SNX14: variants seen among roughly 807,000 people sequenced by gnomAD.
SNX14 encodes sorting nexin 14, also known as sorting nexin-14.
Under a neutral mutation model 133.8 loss-of-function variants are expected in SNX14, and 93 were observed. The observed-to-expected ratio is 0.70, with a 90% CI of 0.59 to 0.83. SNX14 has a LOEUF of 0.83. SNX14 is among the 40% of genes least tolerant of loss of function. SNX14 has a pLI of 0.00. For synonymous variants in SNX14, 368 were observed against 365.6 expected, an observed-to-expected ratio of 1.01 and a Z score of -0.07; for missense variants, 945 against 1,094.9, an observed-to-expected ratio of 0.86 and a Z score of 1.93.
intron 6 of SNX14, among the ~76,000 whole-genome samples, chr6:85,560,280 C>G (rs545215529): frequency 6.6e-6 from 1 of 152,198 alleles, no homozygotes; most frequent in South Asian, 2.1e-4. Flanking sequence ...TACATTCACA[C>G]AATGGAATAT....
chr6:85,583,009 T>A (rs1187070834), intron 1 of SNX14, among the ~76,000 whole-genome samples: 1 of 152,174 alleles, frequency 6.6e-6, no homozygotes, highest in Non-Finnish European at 1.5e-5. Flanking sequence ...TGAACATCGA[T>A]GCGAAAATCC....
At chr6:85,509,638 T>A (rs895089947) in intron 26 of SNX14, among the ~76,000 whole-genome samples, 2 of 152,208 alleles carry the variant, frequency 1.3e-5, no homozygotes, top group African/African-American at 4.8e-5. Flanking sequence ...AACAAGAGTG[T>A]ACATTTGTTA....
chr6:85,565,357 G>C lies in SNX14; in HGVS notation c.524C>G (p.Ser175Cys). The C allele has an allele frequency of 6.2e-7, 1 of 1,600,518 alleles. No individual in the cohort carries two copies. Among genetic ancestry groups the C allele is most frequent in the Non-Finnish European group, 8.5e-7 (1 of 1,172,750 alleles). ...ELRITLRFFA[S>C]VLIRRIHKVD... Reference sequence around the variant, plus strand: ...CTTGTGAATCCTTCTTATTAAGACAGATGCAAAAAAACGTAATGTTATTCT... The same window carrying C: ...CTTGTGAATCCTTCTTATTAAGACACATGCAAAAAAACGTAATGTTATTCT... The change falls in exon 6 of 29, where the codon TCT (serine) becomes TGT (cysteine). Residue 175 changes from serine to cysteine, a missense_variant. Around this residue, in one of 3 missense-constraint regions of SNX14, gnomAD observed 514 missense variants for 538.8 expected, o/e 0.95. Coordinates refer to ENST00000314673, the MANE Select transcript of SNX14 (RefSeq NM_153816.6).
intron 16 of SNX14, among the ~76,000 whole-genome samples, chr6:85,538,131 C>CTA: frequency 6.6e-6 from 1 of 152,194 alleles, no homozygotes; most frequent in South Asian, 2.1e-4. Context: ...GTTTCAAATA[C>CTA]ACCAATATGT....
chr6:85,580,814 G>A (rs1316742103), intron 1 of SNX14, among the ~76,000 whole-genome samples: 1 of 152,116 alleles, frequency 6.6e-6, no homozygotes, highest in African/African-American at 2.4e-5. Flanking sequence ...TGTGGTATAG[G>A]TGCCAGCTCA....
intron 5 of SNX14, among the ~76,000 whole-genome samples, chr6:85,566,294 GAA>G (rs1272175725): frequency 2.0e-5 from 3 of 152,082 alleles, no homozygotes; most frequent in Non-Finnish European, 4.4e-5. Context: ...ATTTAACACA[GAA>G]CCAAATGTAA....
intron 17 of SNX14, among the ~76,000 whole-genome samples, chr6:85,536,518 T>C (rs1276106466): frequency 6.6e-6 from 1 of 152,210 alleles, no homozygotes; most frequent in Non-Finnish European, 1.5e-5. Context: ...ACTGCTTGAC[T>C]ATTAGAAGTA....
At chr6:85,585,985 A>G (rs1800696649) in intron 1 of SNX14, among the ~76,000 whole-genome samples, 1 of 150,490 alleles carries the variant, frequency 6.6e-6, no homozygotes, top group Non-Finnish European at 1.5e-5. Context: ...CACTCCCCGC[A>G]ACAGGAAAAA....
Position 85,572,301 on chromosome 6 carries a change from T to C in SNX14, c.335A>G (p.His112Arg), listed in dbSNP as rs142940872. 25 of 1,613,288 alleles carry C rather than the reference T, an allele frequency of 1.5e-5. No individual in the cohort carries two copies. The highest frequency in any genetic ancestry group is 2.1e-5 in the Non-Finnish European group (25 of 1,179,518). Residue 112 changes from histidine (H) to arginine (R), a missense_variant, in exon 3 of 29, where the codon CAT becomes CGT. Transcript: ENST00000314673. ...AVCGKVKCKR[H>R]RPSLLLENYQ... Reference sequence around the variant, plus strand: ...AATAAAAAAATATTTAACTTACCTATGTCGTTTACATTTCACTTTACCACA... The same window carrying C: ...AATAAAAAAATATTTAACTTACCTACGTCGTTTACATTTCACTTTACCACA...
chr6:85,536,457 T>C (rs758744554), intron 17 of SNX14, among the ~76,000 whole-genome samples: 13 of 152,124 alleles, frequency 8.5e-5, no homozygotes, highest in Non-Finnish European at 1.9e-4. Context: ...CTGGAGTACA[T>C]GGTGGGAAAA....
At position 85,505,541 on chromosome 6, in the gene SNX14, A is replaced by G; in HGVS notation, c.*426T>C. 5.7e-6 allele frequency: 1 copy of G among 176,100 alleles called. No homozygotes were observed. The highest frequency in any genetic ancestry group is 1.4e-4 in the South Asian group (1 of 7,218). The allele number at this position is 176,100 out of a possible 1,614,324, so 10.9% of individuals were successfully genotyped here. A position where few individuals can be genotyped will look rare whatever the true frequency, so the allele number is the denominator to read the frequency against. ...TAGGATGCTTTATTTATAGATACAC[A>G]GTTAACTATGTACAAAATAAAAAAA... is the stretch of plus-strand genomic sequence containing the variant. On this transcript the variant is annotated 3_prime_UTR_variant, in exon 29 of 29. Coordinates refer to ENST00000314673, the MANE Select transcript of SNX14 (RefSeq NM_153816.6).
In SNX14 at chr6:85,517,794, G is replaced by A; in HGVS notation, c.2230C>T (p.Leu744=). 6.2e-7 allele frequency: 1 copy of A among 1,610,236 alleles called. No individual in the cohort carries two copies. Among genetic ancestry groups the A allele is most frequent in the Non-Finnish European group, 8.5e-7 (1 of 1,179,026 alleles). Residue 744 remains leucine (L), a synonymous_variant, in exon 23 of 29, where the codon CTG becomes TTG. Transcript: ENST00000314673. ...TCTGAAGTAGGGCTGAGAATGGTCAGTTCTGGTCTACTTGGTTTAGGCTTT... is the reference window on the plus strand; with the variant it reads ...TCTGAAGTAGGGCTGAGAATGGTCAATTCTGGTCTACTTGGTTTAGGCTTT... The part of the protein sequence containing the change: ...SPKPKPSRPE[L]TILSPTSENN...
intron 28 of SNX14, 95 bp from the exon 29 acceptor site, chr6:85,506,100 A>G: frequency 3.8e-6 from 3 of 793,194 alleles, no homozygotes; most frequent in Non-Finnish European, 6.5e-6. Context: ...CTAACCTAAG[A>G]CATATATATT....
At chr6:85,579,514 T>C (rs1798396028) in intron 1 of SNX14, among the ~76,000 whole-genome samples, 1 of 152,016 alleles carries the variant, frequency 6.6e-6, no homozygotes, top group South Asian at 2.1e-4. Flanking sequence ...TGGAAGAGGG[T>C]AGCAAAGGCA....
chr6:85,580,298 G>A (rs966072917), intron 1 of SNX14, among the ~76,000 whole-genome samples: 1 of 152,056 alleles, frequency 6.6e-6, no homozygotes, highest in Non-Finnish European at 1.5e-5. Flanking sequence ...TTCATCGTCT[G>A]CTGACTAAAG....
At chr6:85,564,531 T>C (rs1167641406) in intron 6 of SNX14, among the ~76,000 whole-genome samples, 1 of 152,170 alleles carries the variant, frequency 6.6e-6, no homozygotes, top group South Asian at 2.1e-4. Flanking sequence ...AGAACATGAC[T>C]TTTTTCTATA....
chr6:85,556,445 T>C (rs1372147264), intron 7 of SNX14, among the ~76,000 whole-genome samples: 2 of 151,018 alleles, frequency 1.3e-5, no homozygotes, highest in Non-Finnish European at 2.9e-5. Context: ...AAGAAAGTTA[T>C]GCGTACTCAA....
intron 9 of SNX14, 92 bp from the exon 10 acceptor site, chr6:85,547,642 T>C: frequency 8.8e-7 from 1 of 1,130,210 alleles, no homozygotes; most frequent in Middle Eastern, 3.1e-4. Context: ...TGTAAGTTTC[T>C]AGAAAAATGA....
chr6:85,581,628 T>A (rs753433980), intron 1 of SNX14: 28 of 152,100 alleles, frequency 1.8e-4, no homozygotes, highest in Admixed American at 1.2e-3. Context: ...AAGAATCCTA[T>A]CAGATAAATT....
Sources: gnomAD v4.1 joint callset for allele counts (sites outside exome capture counted in the v4.1 genomes callset) on GRCh38, gnomAD v4.1.1 for gene constraint, gnomAD v4.1.1 regional missense constraint, MANE v1.5 for transcripts, NCBI Gene and HGNC (gene_info 2026-07-23, HGNC 2026-07-21) for gene names.